Variants in RIMS1 observed in about 807,000 individuals in gnomAD.
RIMS1 encodes regulating synaptic membrane exocytosis protein 1.
Under a neutral mutation model 214.1 loss-of-function variants are expected in RIMS1, and 83 were observed. The observed-to-expected ratio is 0.39, with a 90% CI of 0.32 to 0.47. The LOEUF is 0.47. Ranked by LOEUF, RIMS1 falls within the 20% of genes least tolerant of loss-of-function variation. The pLI is 0.99. For missense variants in RIMS1, 2,050 were observed against 2,161.8 expected, an observed-to-expected ratio of 0.95 and a Z score of 1.03; for synonymous variants, 793 against 786.8, an observed-to-expected ratio of 1.01 and a Z score of -0.13.
At position 72,213,145 on chromosome 6, in the gene RIMS1, T is replaced by C. The variant is rs1364653131; in HGVS notation, c.1679-20628T>C. 2.0e-6 allele frequency: 3 copies of C among 1,536,992 alleles called. No homozygotes were observed. In the Admixed American group the frequency reaches 5.9e-5, roughly 30 times the overall value. On this transcript the variant is annotated intron_variant, in intron 6 of 33. Transcript: ENST00000521978. ...GTCATGTGTGCACCTGGGATTCATGTCTCTTCAGAAGGGTGGGAAGAAGTG... is the reference window on the plus strand; with the variant it reads ...GTCATGTGTGCACCTGGGATTCATGCCTCTTCAGAAGGGTGGGAAGAAGTG...
chr6:72,140,387 C>G (rs2041939851), intron 4 of RIMS1, among the ~76,000 whole-genome samples: 1 of 152,006 alleles, frequency 6.6e-6, no homozygotes, highest in Non-Finnish European at 1.5e-5. Flanking sequence ...AGGAGGTTAT[C>G]TAGATATCAA....
intron 1 of RIMS1, among the ~76,000 whole-genome samples, chr6:71,954,846 G>GCA (rs57226234): frequency 0.18 from 26,287 of 144,666 alleles, 2,535 homozygotes; most frequent in Admixed American, 0.24. Context: ...CCACTCCTCA[G>GCA]CACACACACA....
chr6:72,175,166 T>A lies in RIMS1; in HGVS notation c.472-4409T>A, dbSNP rs1481360999. On this transcript the variant is annotated intron_variant, in intron 4 of 33. Transcript: ENST00000521978. The stretch of plus-strand genomic sequence containing the variant: ...TGAGCAACTGTAATTGACTATCTCG[T>A]CTTCTTTTTCATGTTTTTCAAAATG... 2.0e-5 allele frequency among the ~76,000 whole-genome samples: 3 copies of A among 152,208 alleles called. No individual in the cohort carries two copies. In the East Asian group the frequency reaches 5.8e-4, roughly 29 times the overall value.
chr6:71,941,075 A>G (rs1290455887), intron 1 of RIMS1, among the ~76,000 whole-genome samples: 24 of 152,178 alleles, frequency 1.6e-4, no homozygotes, highest in Admixed American at 1.6e-3. Context: ...TTTGACAAAT[A>G]TAATTCCTTT....
intron 4 of RIMS1, among the ~76,000 whole-genome samples, chr6:72,169,946 A>G (rs533133794): frequency 6.6e-6 from 1 of 152,254 alleles, no homozygotes; most frequent in South Asian, 2.1e-4. Context: ...TTCTCTCCTC[A>G]GAATCTTCCA....
At chr6:71,899,155 TCAA>T (rs1165008536) in intron 1 of RIMS1, among the ~76,000 whole-genome samples, 1 of 152,162 alleles carries the variant, frequency 6.6e-6, no homozygotes, top group African/African-American at 2.4e-5. Flanking sequence ...TTAAGCTGTA[TCAA>T]CATTTCTTAA....
At chr6:72,353,492 C>A (rs1025176804) in intron 29 of RIMS1, among the ~76,000 whole-genome samples, 2 of 152,200 alleles carry the variant, frequency 1.3e-5, no homozygotes, top group Non-Finnish European at 2.9e-5. Flanking sequence ...CCAGGTTCCC[C>A]TGTTCAATAC....
chr6:72,012,834 T>C (rs1811290808), intron 2 of RIMS1, among the ~76,000 whole-genome samples: 1 of 152,196 alleles, frequency 6.6e-6, no homozygotes. Context: ...GTTATATTTC[T>C]GGTATTATGG....
chr6:71,953,665 A>G (rs1298557190), intron 1 of RIMS1, among the ~76,000 whole-genome samples: 1 of 152,208 alleles, frequency 6.6e-6, no homozygotes, highest in Non-Finnish European at 1.5e-5. Flanking sequence ...TTTCCTAAAT[A>G]TAAAAACATA....
At chr6:72,247,994 T>C in intron 11 of RIMS1, 21 bp from the exon 12 acceptor site, 1 of 1,459,020 alleles carries the variant, frequency 6.9e-7, no homozygotes, top group Non-Finnish European at 9.6e-7. Context: ...AAATATTACT[T>C]ACTTTTTTTT....
intron 2 of RIMS1, among the ~76,000 whole-genome samples, chr6:72,024,173 C>T (rs1815620022): frequency 6.6e-6 from 1 of 152,094 alleles, no homozygotes; most frequent in East Asian, 1.9e-4. Flanking sequence ...TCTCTTTCTG[C>T]CTACTGGTTT....
intron 1 of RIMS1, among the ~76,000 whole-genome samples, chr6:71,934,226 A>G (rs1483032546): frequency 1.3e-5 from 2 of 152,230 alleles, no homozygotes; most frequent in African/African-American, 4.8e-5. Flanking sequence ...TCAGCAAATC[A>G]TTTAAAACAC....
intron 1 of RIMS1, among the ~76,000 whole-genome samples, chr6:71,928,848 A>G (rs955769058): frequency 6.6e-6 from 1 of 152,154 alleles, no homozygotes; most frequent in African/African-American, 2.4e-5. Flanking sequence ...GTTGAAAATC[A>G]TTGACACAGA....
chr6:72,367,964 A>G (rs2098090402), intron 29 of RIMS1, among the ~76,000 whole-genome samples: 1 of 152,174 alleles, frequency 6.6e-6, no homozygotes, highest in Non-Finnish European at 1.5e-5. Context: ...TTTAATAATT[A>G]CCTTCAGAAG....
intron 4 of RIMS1, among the ~76,000 whole-genome samples, chr6:72,128,406 TA>T (rs144135677): frequency 0.054 from 8,182 of 151,418 alleles, 297 homozygotes; most frequent in Middle Eastern, 0.096. Context: ...TGTCCTTTTT[TA>T]AAAAAAAATT....
intron 2 of RIMS1, among the ~76,000 whole-genome samples, chr6:72,096,094 A>C (rs2031550720): frequency 6.6e-6 from 1 of 152,236 alleles, no homozygotes; most frequent in Non-Finnish European, 1.5e-5. Context: ...GACTTTAATC[A>C]CATTAAATGT....
chr6:72,092,295 T>C (rs139712794), intron 2 of RIMS1, among the ~76,000 whole-genome samples: 109 of 69,148 alleles, frequency 1.6e-3, no homozygotes, highest in South Asian at 8.9e-3. Flanking sequence ...CTCCCTCCCT[T>C]CCTTCCTTCC....
intron 6 of RIMS1, among the ~76,000 whole-genome samples, chr6:72,210,819 T>C (rs1562585263): frequency 6.6e-6 from 1 of 152,204 alleles, no homozygotes; most frequent in Non-Finnish European, 1.5e-5. Flanking sequence ...ACAGACCTGT[T>C]CTATGTATTT....
chr6:71,972,971 A>G (rs1170945598), intron 2 of RIMS1, among the ~76,000 whole-genome samples: 1 of 152,194 alleles, frequency 6.6e-6, no homozygotes, highest in Admixed American at 6.5e-5. Flanking sequence ...GCTGGAGTGC[A>G]GTGGCATAAT....
Sources: allele counts gnomAD v4.1 joint callset (sites outside exome capture counted in the v4.1 genomes callset), GRCh38; gene constraint gnomAD v4.1.1; transcripts MANE v1.5; gene names NCBI Gene and HGNC (gene_info 2026-07-23, HGNC 2026-07-21).